The following ABTB3 variants were observed in gnomAD, a reference collection of about 807,000 sequenced individuals.
ABTB3 encodes ankyrin repeat- and BTB/POZ domain-containing protein 3.
chr12:107,350,012 A>C, the ABTB3 span, among the ~76,000 whole-genome samples: 13 of 152,160 alleles, frequency 8.5e-5, no homozygotes, highest in Admixed American at 3.3e-4. Flanking sequence ...GAGAGCACAA[A>C]ATGCTAGCAC....
chr12:107,484,753 G>GT, the ABTB3 span, among the ~76,000 whole-genome samples: 1 of 152,192 alleles, frequency 6.6e-6, no homozygotes, highest in African/African-American at 2.4e-5. Flanking sequence ...AGGACCAGGT[G>GT]CTACTTCTGT....
chr12:107,363,721 T>A, the ABTB3 span, among the ~76,000 whole-genome samples: 1 of 152,246 alleles, frequency 6.6e-6, no homozygotes, highest in Admixed American at 6.5e-5. Flanking sequence ...TTTGGCATTT[T>A]AAAAATTACA....
At chr12:107,488,736 T>A in the ABTB3 span, among the ~76,000 whole-genome samples, 4 of 151,800 alleles carry the variant, frequency 2.6e-5, no homozygotes, top group Admixed American at 6.6e-5. Flanking sequence ...TAGTGGCATT[T>A]GGTACATTCA....
At chr12:107,497,276 T>A in the ABTB3 span, among the ~76,000 whole-genome samples, 1 of 143,392 alleles carries the variant, frequency 7.0e-6, no homozygotes, top group Non-Finnish European at 1.5e-5. Flanking sequence ...ATCCCCAACT[T>A]TATCCTCAAC....
At chr12:107,470,973 A>T in the ABTB3 span, among the ~76,000 whole-genome samples, 892 of 152,290 alleles carry the variant, frequency 5.9e-3, 12 homozygotes, top group African/African-American at 0.02. Context: ...CCAGCCCCTT[A>T]GAGCAGTTGT....
the ABTB3 span, among the ~76,000 whole-genome samples, chr12:107,378,372 C>T: frequency 6.6e-6 from 1 of 152,204 alleles, no homozygotes; most frequent in Non-Finnish European, 1.5e-5. Flanking sequence ...TTATTGAGCA[C>T]TCACCATATG....
chr12:107,473,200 G>T, the ABTB3 span, among the ~76,000 whole-genome samples: 4 of 152,120 alleles, frequency 2.6e-5, no homozygotes, highest in African/African-American at 9.7e-5. Flanking sequence ...CATCAAATGC[G>T]TACAGCCCAG....
At chr12:107,381,376 C>G in the ABTB3 span, among the ~76,000 whole-genome samples, 1 of 152,190 alleles carries the variant, frequency 6.6e-6, no homozygotes, top group Admixed American at 6.5e-5. Context: ...AGGGTTAGGG[C>G]AAGGGCAGAG....
chr12:107,577,258 T>C, the ABTB3 span, among the ~76,000 whole-genome samples: 1 of 152,194 alleles, frequency 6.6e-6, no homozygotes, highest in Admixed American at 6.5e-5. Flanking sequence ...AAATAGATCA[T>C]CTGATGCAAA....
chr12:107,359,852 T>TC, the ABTB3 span, among the ~76,000 whole-genome samples: 1 of 152,172 alleles, frequency 6.6e-6, no homozygotes, highest in African/African-American at 2.4e-5. Context: ...TCCACTTGCC[T>TC]CTGCTCCTTT....
the ABTB3 span, among the ~76,000 whole-genome samples, chr12:107,654,117 A>G: frequency 2.0e-5 from 3 of 152,180 alleles, no homozygotes; most frequent in Admixed American, 1.3e-4. Context: ...ACGTGTCAGA[A>G]TTTCTTCTTT....
the ABTB3 span, among the ~76,000 whole-genome samples, chr12:107,566,646 A>AACACAC: frequency 8.3e-5 from 7 of 84,806 alleles, no homozygotes; most frequent in African/African-American, 3.5e-4. Context: ...ATCTAATTTA[A>AACACAC]ATACACACAC....
the ABTB3 span, among the ~76,000 whole-genome samples, chr12:107,382,537 A>G: frequency 6.6e-6 from 1 of 152,198 alleles, no homozygotes; most frequent in Non-Finnish European, 1.5e-5. Flanking sequence ...GAACTTGCTT[A>G]TCAGCTTAAG....
At chr12:107,627,035 C>A in the ABTB3 span, among the ~76,000 whole-genome samples, 1 of 152,186 alleles carries the variant, frequency 6.6e-6, no homozygotes, top group African/African-American at 2.4e-5. Flanking sequence ...AGAAAGCCAA[C>A]TGACACGTTC....
At chr12:107,400,934 C>T in the ABTB3 span, among the ~76,000 whole-genome samples, 1 of 152,146 alleles carries the variant, frequency 6.6e-6, no homozygotes, top group Non-Finnish European at 1.5e-5. Context: ...AATTAAAATG[C>T]ATTAACTGAG....
chr12:107,441,173 C>T, the ABTB3 span, among the ~76,000 whole-genome samples: 4 of 152,124 alleles, frequency 2.6e-5, no homozygotes, highest in Non-Finnish European at 5.9e-5. Flanking sequence ...ATATTCATTG[C>T]AGCACTATTC....
At chr12:107,548,186 T>TCTCTC in the ABTB3 span, among the ~76,000 whole-genome samples, 1 of 151,490 alleles carries the variant, frequency 6.6e-6, no homozygotes, top group African/African-American at 2.4e-5. Context: ...CTCTCCTCTC[T>TCTCTC]CCTGTGTTCT....
At chr12:107,392,439 T>G in the ABTB3 span, among the ~76,000 whole-genome samples, 10 of 152,240 alleles carry the variant, frequency 6.6e-5, no homozygotes, top group African/African-American at 2.4e-4. Flanking sequence ...CAGCCCTGCC[T>G]CTCCCTCCCT....
the ABTB3 span, among the ~76,000 whole-genome samples, chr12:107,467,781 A>G: frequency 6.6e-6 from 1 of 152,154 alleles, no homozygotes; most frequent in African/African-American, 2.4e-5. Context: ...GACCAGGAGA[A>G]AATGCTTCTG....
Sources: allele counts gnomAD v4.1 joint callset (sites outside exome capture counted in the v4.1 genomes callset), GRCh38; gene constraint gnomAD v4.1.1; transcripts MANE v1.5; gene names NCBI Gene and HGNC (gene_info 2026-07-23, HGNC 2026-07-21).